Variants in TOX3 observed in about 807,000 individuals in gnomAD.
TOX3 encodes CAG trinucleotide repeat-containing gene F9 protein.
A neutral mutation model predicts 64.3 loss-of-function variants in TOX3; 22 were observed. That is an observed-to-expected ratio of 0.34 (90% CI 0.24 to 0.49). TOX3 has a LOEUF of 0.49. Among genes scored for constraint, TOX3 ranks in the 20% least tolerant of loss-of-function variants. TOX3 has a pLI of 0.99. For missense variants in TOX3, 661 were observed against 714.4 expected, an observed-to-expected ratio of 0.93 and a Z score of 0.85; for synonymous variants, 291 against 273.6, an observed-to-expected ratio of 1.06 and a Z score of -0.63.
At position 52,463,924 on chromosome 16, in the gene TOX3, T is replaced by G; in HGVS notation, c.408+10A>C. 6.7e-7 allele frequency: 1 copy of G among 1,492,132 alleles called. No individual in the cohort carries two copies. Among genetic ancestry groups the G allele is most frequent in the Non-Finnish European group, 8.9e-7 (1 of 1,119,640 alleles). 92.4% of individuals were successfully genotyped at this position (1,492,132 alleles called of 1,614,324 possible). A position where few individuals can be genotyped will look rare whatever the true frequency, so the allele number is the denominator to read the frequency against. ...TAAAAAATAATTTAAGTAATAAATG[T>G]GGTGCCTACCATATGCAACCCACTG... is the stretch of plus-strand genomic sequence containing the variant. On this transcript the variant is annotated intron_variant, in intron 3 of 6. Transcript: ENST00000219746.
In TOX3 at chr16:52,464,080, A is replaced by G. The variant is rs773301649; in HGVS notation, c.262T>C (p.Phe88Leu). ...ALGMPDVLLP[F>L]QALSDPLPSQ... The stretch of plus-strand genomic sequence containing the variant: ...GGCAATGGATCGCTGAGGGCTTGAA[A>G]GGGTAGCAGTACATCCGGCATGCCT... The change falls in exon 3 of 7, where the codon TTT (phenylalanine) becomes CTT (leucine). Residue 88 changes from phenylalanine to leucine, a missense_variant. By Grantham distance (22) the Phe-to-Leu change is conservative. Around this residue, in one of 3 missense-constraint regions of TOX3, gnomAD observed 259 missense variants for 261.2 expected, o/e 0.99. Coordinates refer to ENST00000219746, the MANE Select transcript of TOX3 (RefSeq NM_001080430.4). The G allele has an allele frequency of 8.7e-6, 14 of 1,604,932 alleles. No homozygotes were observed. In the East Asian group the frequency reaches 2.9e-4, roughly 34 times the overall value.
At chr16:52,484,946 T>A (rs1051972711) in intron 1 of TOX3, among the ~76,000 whole-genome samples, 6 of 152,024 alleles carry the variant, frequency 3.9e-5, no homozygotes, top group Non-Finnish European at 8.8e-5. Context: ...ATACTTGTTA[T>A]GTTCATTGCA....
At chr16:52,528,156 C>T (rs936417882) in intron 1 of TOX3, among the ~76,000 whole-genome samples, 11 of 152,150 alleles carry the variant, frequency 7.2e-5, no homozygotes, top group Admixed American at 6.5e-4. Context: ...TGTTCAGCAA[C>T]TTAACCAGAT....
At chr16:52,463,722 C>T (rs953173237) in intron 3 of TOX3, among the ~76,000 whole-genome samples, 5 of 152,140 alleles carry the variant, frequency 3.3e-5, no homozygotes, top group Admixed American at 3.3e-4. Context: ...TCAGCAGACT[C>T]TTTTTGGATC....
At chr16:52,497,453 A>T (rs920675318) in intron 1 of TOX3, among the ~76,000 whole-genome samples, 1 of 152,194 alleles carries the variant, frequency 6.6e-6, no homozygotes, top group Non-Finnish European at 1.5e-5. Context: ...CTTGCTTCCC[A>T]GTGCTGTACA....
At chr16:52,519,275 C>A (rs1160757914) in intron 1 of TOX3, 2 of 933,316 alleles carry the variant, frequency 2.1e-6, no homozygotes, top group Admixed American at 2.9e-5. Flanking sequence ...TCATTATTCC[C>A]AACCACTTTC....
intron 1 of TOX3, among the ~76,000 whole-genome samples, chr16:52,495,482 T>C (rs1961822377): frequency 6.6e-6 from 1 of 152,218 alleles, no homozygotes; most frequent in Non-Finnish European, 1.5e-5. Context: ...GTAGCATTTA[T>C]TGGCATTTCA....
At chr16:52,505,902 A>G (rs976649691) in intron 1 of TOX3, among the ~76,000 whole-genome samples, 1 of 152,116 alleles carries the variant, frequency 6.6e-6, no homozygotes, top group Non-Finnish European at 1.5e-5. Flanking sequence ...ATTGAGCCCA[A>G]GAGATGGCGG....
chr16:52,499,321 C>A (rs970402332), intron 1 of TOX3, among the ~76,000 whole-genome samples: 7 of 152,198 alleles, frequency 4.6e-5, no homozygotes, highest in Non-Finnish European at 8.8e-5. Flanking sequence ...CCAGTCCTTG[C>A]AAATTATTCA....
At chr16:52,460,686 C>CT (rs1420153116) in intron 3 of TOX3, among the ~76,000 whole-genome samples, 3 of 151,608 alleles carry the variant, frequency 2.0e-5, no homozygotes, top group Non-Finnish European at 4.4e-5. Context: ...CCATTTACAG[C>CT]TACCTGCAGA....
At chr16:52,537,343 C>T (rs890440517) in intron 1 of TOX3, among the ~76,000 whole-genome samples, 5 of 152,162 alleles carry the variant, frequency 3.3e-5, no homozygotes, top group Non-Finnish European at 5.9e-5. Flanking sequence ...CATAGAATAT[C>T]CAGGTGACCT....
chr16:52,442,358 C>T (rs1438140193), intron 6 of TOX3, among the ~76,000 whole-genome samples: 1 of 152,196 alleles, frequency 6.6e-6, no homozygotes, highest in Non-Finnish European at 1.5e-5. Flanking sequence ...TCCCTGTAAG[C>T]TCACCCCTTG....
At chr16:52,507,406 C>A (rs1025605013) in intron 1 of TOX3, among the ~76,000 whole-genome samples, 1 of 152,090 alleles carries the variant, frequency 6.6e-6, no homozygotes, top group African/African-American at 2.4e-5. Flanking sequence ...TCCACACACA[C>A]AAAAACATCT....
intron 1 of TOX3, among the ~76,000 whole-genome samples, chr16:52,518,260 A>G (rs1351943094): frequency 6.6e-6 from 1 of 152,224 alleles, no homozygotes; most frequent in African/African-American, 2.4e-5. Context: ...GGTAAAAGGC[A>G]TATGTTATTA....
rs868141039 is a variant in TOX3, at chr16:52,519,989, A to G, written c.87+26648T>C. ...CTGTCTCAAAAACAAAAAAAAAAAA[A>G]AAAGAAGAAGAAGAAGGAGAAGAAA... On this transcript the variant is annotated intron_variant, in intron 1 of 6. Transcript: ENST00000219746. 7.0e-3 allele frequency among the ~76,000 whole-genome samples: 920 copies of G among 131,524 alleles called. 11 individuals carry two copies. The highest frequency in any genetic ancestry group is 0.026 in the African/African-American group (871 of 34,040). The allele number at this position is 131,524 out of a possible 152,430, so 86.3% of individuals were successfully genotyped here.
chr16:52,531,805 A>T (rs576084998), intron 1 of TOX3, among the ~76,000 whole-genome samples: 1 of 152,336 alleles, frequency 6.6e-6, no homozygotes, highest in South Asian at 2.1e-4. Flanking sequence ...ATTCCATTGA[A>T]GGTGAGAAAA....
At chr16:52,515,028 A>G (rs1351773976) in intron 1 of TOX3, among the ~76,000 whole-genome samples, 14 of 149,806 alleles carry the variant, frequency 9.3e-5, no homozygotes, top group Admixed American at 2.7e-4. Flanking sequence ...AAAAAAAAAA[A>G]AAAAAAAAAA....
Position 52,437,826 on chromosome 16 carries a change from A to T in TOX3, c.*1399T>A, listed in dbSNP as rs930384927. Among the ~76,000 whole-genome samples, 1 of 150,428 alleles carries T rather than the reference A, an allele frequency of 6.6e-6. No homozygotes were observed. Among genetic ancestry groups the T allele is most frequent in the Admixed American group, 6.6e-5 (1 of 15,098 alleles). The stretch of plus-strand genomic sequence containing the variant: ...AAAAAAAAAAAAAGACAATTACACA[A>T]ATATTTCCAATGCGTTGTTTTGGTT... On this transcript the variant is annotated 3_prime_UTR_variant, in exon 7 of 7. Coordinates refer to ENST00000219746, the MANE Select transcript of TOX3 (RefSeq NM_001080430.4).
At position 52,491,434 on chromosome 16, in the gene TOX3, T is replaced by C. The variant is rs557759738; in HGVS notation, c.88-22860A>G. 2.0e-5 allele frequency among the ~76,000 whole-genome samples: 3 copies of C among 152,288 alleles called. No homozygotes were observed. The East Asian group carries it at 5.8e-4, about 29-fold the overall frequency. On this transcript the variant is annotated intron_variant, in intron 1 of 6. Transcript: ENST00000219746. ...AAGACTCACAGCAGCTCCTCAAATC[T>C]GTGTTAAATAAATGGGAGTAATGTT... is the stretch of plus-strand genomic sequence containing the variant.
Sources: allele counts gnomAD v4.1 joint callset (sites outside exome capture counted in the v4.1 genomes callset), GRCh38; gene constraint gnomAD v4.1.1; regional missense constraint gnomAD v4.1.1; transcripts MANE v1.5; gene names NCBI Gene and HGNC (gene_info 2026-07-23, HGNC 2026-07-21).